The following PTPRT variants were observed in gnomAD, a reference collection of about 807,000 sequenced individuals.
PTPRT encodes the protein protein tyrosine phosphatase receptor type T, also known as receptor-type tyrosine-protein phosphatase T.
PTPRT carries 56 observed loss-of-function variants against 176.8 expected under a neutral mutation model. The ratio of observed to expected loss-of-function variants is 0.32; its 90% CI spans 0.26 to 0.40. The LOEUF (loss-of-function observed/expected upper bound fraction) is 0.40. PTPRT is among the 10% of genes least tolerant of loss of function. PTPRT has a pLI of 1.00. For synonymous variants in PTPRT, 783 were observed against 739.0 expected (o/e 1.06, Z -0.96); for missense variants, 1,540 against 1,908.2 (o/e 0.81, Z 3.60).
Position 42,150,160 on chromosome 20 carries a change from T to G in PTPRT, c.2683-8158A>C, listed in dbSNP as rs554412350. Among the ~76,000 whole-genome samples, 356 of 152,348 alleles carry G rather than the reference T, an allele frequency of 2.3e-3. 2 individuals carry two copies. Among genetic ancestry groups the G allele is most frequent in the African/African-American group, 7.8e-3 (326 of 41,590 alleles). On this transcript the variant is annotated intron_variant, in intron 17 of 30. Transcript: ENST00000373187. Reference sequence around the variant, plus strand: ...GACACTCTTCTTTGCACCTAAGCCCTTCTGAGTTATGCCTAAAATAGTAAG... The same window carrying G: ...GACACTCTTCTTTGCACCTAAGCCCGTCTGAGTTATGCCTAAAATAGTAAG...
intron 6 of PTPRT, among the ~76,000 whole-genome samples, chr20:42,743,596 G>A (rs1600688302): frequency 6.6e-6 from 1 of 152,116 alleles, no homozygotes; most frequent in African/African-American, 2.4e-5. Context: ...TCAAGTCAAG[G>A]CCCTGAGCAA....
intron 2 of PTPRT, among the ~76,000 whole-genome samples, chr20:42,863,363 C>G (rs1236602334): frequency 6.6e-6 from 1 of 152,198 alleles, no homozygotes; most frequent in Non-Finnish European, 1.5e-5. Flanking sequence ...GGACAGGAGA[C>G]TACATCCCTG....
chr20:42,970,411 ATCACATTTT>A (rs1286550730), intron 1 of PTPRT, among the ~76,000 whole-genome samples: 2 of 152,306 alleles, frequency 1.3e-5, no homozygotes, highest in East Asian at 3.9e-4. Flanking sequence ...GTATCAAATT[ATCACATTTT>A]CTCACACTAC....
chr20:42,289,717 T>C (rs1001472973), intron 12 of PTPRT, among the ~76,000 whole-genome samples: 1 of 152,076 alleles, frequency 6.6e-6, no homozygotes, highest in Admixed American at 6.6e-5. Context: ...CTCTTGTACA[T>C]TGTGTCATTT....
intron 1 of PTPRT, among the ~76,000 whole-genome samples, chr20:43,012,873 G>A (rs548625221): frequency 6.6e-6 from 1 of 151,976 alleles, no homozygotes; most frequent in Non-Finnish European, 1.5e-5. Context: ...AGTCTGTGGT[G>A]CATCTCATGC....
chr20:43,054,292 A>G (rs1336970856), intron 1 of PTPRT, among the ~76,000 whole-genome samples: 15 of 152,136 alleles, frequency 9.9e-5, no homozygotes, highest in Admixed American at 9.8e-4. Flanking sequence ...AATGGCTCAC[A>G]CCTGTAATCC....
In PTPRT at chr20:42,303,846, A is replaced by G. The variant is rs564331185; in HGVS notation, c.2139+11877T>C. Among the ~76,000 whole-genome samples the G allele has an allele frequency of 1.4e-4, 22 of 152,296 alleles. No homozygotes were observed. In the South Asian group the frequency reaches 4.1e-3, roughly 29 times the overall value. On this transcript the variant is annotated intron_variant, in intron 12 of 30. Transcript: ENST00000373187. ...ACAAAGAGAACTTGGTGATGGCTGA[A>G]TATAGAAGGTGATGTATAGCAGGAA...
At chr20:42,316,025 T>C (rs955622005) in intron 11 of PTPRT, 29 bp from the exon 12 acceptor site, 11 of 1,608,182 alleles carry the variant, frequency 6.8e-6, no homozygotes, top group Non-Finnish European at 9.4e-6. Flanking sequence ...ACACAGATGG[T>C]TGAGCAACTT....
At chr20:42,908,646 C>G (rs1297358535) in intron 1 of PTPRT, among the ~76,000 whole-genome samples, 1 of 152,080 alleles carries the variant, frequency 6.6e-6, no homozygotes, top group Non-Finnish European at 1.5e-5. Flanking sequence ...TTCAAGTTCA[C>G]AAGTCATTGT....
intron 16 of PTPRT, among the ~76,000 whole-genome samples, chr20:42,172,819 C>T (rs922909759): frequency 2.6e-5 from 4 of 152,074 alleles, no homozygotes; most frequent in African/African-American, 9.7e-5. Context: ...TCACAAGGAC[C>T]TCTCATGCAA....
intron 1 of PTPRT, among the ~76,000 whole-genome samples, chr20:42,968,151 T>C (rs187557744): frequency 1.1e-3 from 171 of 152,306 alleles, no homozygotes; most frequent in Admixed American, 2.0e-3. Context: ...ATATCCTTTT[T>C]GAGGACTTCC....
intron 7 of PTPRT, among the ~76,000 whole-genome samples, chr20:42,580,848 A>C (rs1284660698): frequency 6.6e-6 from 1 of 152,188 alleles, no homozygotes; most frequent in Non-Finnish European, 1.5e-5. Context: ...TGTCATCTGC[A>C]AACAGGGACA....
At chr20:42,767,928 A>ATATATATTATAACATAC (rs1395243516) in intron 5 of PTPRT, among the ~76,000 whole-genome samples, 10 of 146,272 alleles carry the variant, frequency 6.8e-5, no homozygotes, top group African/African-American at 2.2e-4. Context: ...ATGTTACATG[A>ATATATATTATAACATAC]TATATATTAT....
intron 12 of PTPRT, among the ~76,000 whole-genome samples, chr20:42,307,715 A>T (rs1299176815): frequency 6.6e-6 from 1 of 152,190 alleles, no homozygotes; most frequent in African/African-American, 2.4e-5. Flanking sequence ...TGAAACTGTC[A>T]GAGACCTTTG....
intron 7 of PTPRT, among the ~76,000 whole-genome samples, chr20:42,637,746 A>G (rs1223263181): frequency 6.6e-6 from 1 of 152,174 alleles, no homozygotes; most frequent in Non-Finnish European, 1.5e-5. Flanking sequence ...AAAGTATCTG[A>G]CACACAGTAG....
chr20:42,727,649 T>A (rs1416939342), intron 6 of PTPRT, among the ~76,000 whole-genome samples: 1 of 152,124 alleles, frequency 6.6e-6, no homozygotes, highest in Admixed American at 6.5e-5. Flanking sequence ...TGCCCACCAA[T>A]GTTCAATTCA....
chr20:42,571,416 G>C (rs1053119302), intron 7 of PTPRT, among the ~76,000 whole-genome samples: 2 of 152,192 alleles, frequency 1.3e-5, no homozygotes, highest in Non-Finnish European at 2.9e-5. Flanking sequence ...TTCGCCTCTA[G>C]ATACTACAGA....
intron 2 of PTPRT, among the ~76,000 whole-genome samples, chr20:42,877,117 A>G (rs2078945745): frequency 6.6e-6 from 1 of 152,060 alleles, no homozygotes; most frequent in Non-Finnish European, 1.5e-5. Flanking sequence ...GCTCATAATG[A>G]ACAGAAAGCT....
chr20:42,476,715 G>C (rs960206294), intron 7 of PTPRT, among the ~76,000 whole-genome samples: 3 of 152,124 alleles, frequency 2.0e-5, no homozygotes, highest in South Asian at 2.1e-4. Context: ...CTGAGAACTC[G>C]CATTCAGGAA....
Sources: allele counts gnomAD v4.1 joint callset (sites outside exome capture counted in the v4.1 genomes callset), GRCh38; gene constraint gnomAD v4.1.1; transcripts MANE v1.5; gene names NCBI Gene and HGNC (gene_info 2026-07-23, HGNC 2026-07-21).